Variants in SPTLC3 observed in about 807,000 individuals in gnomAD.
SPTLC3 encodes the protein serine palmitoyltransferase long chain base subunit 3, also known as serine palmitoyltransferase 3.
Under a neutral mutation model 59.3 loss-of-function variants are expected in SPTLC3, and 36 were observed. That is an observed-to-expected ratio of 0.61 (90% CI 0.47 to 0.80). The LOEUF (loss-of-function observed/expected upper bound fraction) is 0.80. Among genes scored for constraint, SPTLC3 ranks in the 30% least tolerant of loss-of-function variants. The pLI is 0.00. For missense variants in SPTLC3, 625 were observed against 685.1 expected, an observed-to-expected ratio of 0.91 and a Z score of 0.98; for synonymous variants, 257 against 240.8, an observed-to-expected ratio of 1.07 and a Z score of -0.62.
chr20:13,108,815 G>T (rs1990059022), intron 6 of SPTLC3, among the ~76,000 whole-genome samples: 1 of 152,104 alleles, frequency 6.6e-6, no homozygotes, highest in Admixed American at 6.6e-5. Flanking sequence ...ATTTAGCTTT[G>T]CTAGATGTCA....
chr20:13,116,473 T>C (rs554369370), intron 7 of SPTLC3, among the ~76,000 whole-genome samples: 1 of 152,278 alleles, frequency 6.6e-6, no homozygotes, highest in South Asian at 2.1e-4. Context: ...TTTTAATCCA[T>C]TGAGTCCCAG....
intron 4 of SPTLC3, among the ~76,000 whole-genome samples, chr20:13,085,885 A>G (rs1988990040): frequency 6.6e-6 from 1 of 152,182 alleles, no homozygotes; most frequent in Non-Finnish European, 1.5e-5. Context: ...GTTTATGTTT[A>G]TTACTTTATT....
At chr20:13,013,698 T>G (rs1985372294) in intron 1 of SPTLC3, among the ~76,000 whole-genome samples, 1 of 152,220 alleles carries the variant, frequency 6.6e-6, no homozygotes, top group Admixed American at 6.5e-5. Context: ...CCTCCATTTA[T>G]AAATAGCTCA....
chr20:13,013,609 C>A (rs184491011), intron 1 of SPTLC3, among the ~76,000 whole-genome samples: 1 of 152,124 alleles, frequency 6.6e-6, no homozygotes, highest in Admixed American at 6.6e-5. Context: ...TTAAGGAATC[C>A]GCAGTTTTTC....
rs117194977 is a variant in SPTLC3 at position 13,047,541 on chromosome 20, T to C, written c.118-1404T>C. Among the ~76,000 whole-genome samples, 799 of 152,248 alleles carry C rather than the reference T, an allele frequency of 5.2e-3. 2 individuals are homozygous for C. Among genetic ancestry groups the C allele is most frequent in the Non-Finnish European group, 9.0e-3 (609 of 67,982 alleles). Reference sequence around the variant, plus strand: ...AAGAAATGGGAAATCTGCAGATTGATTTGTATTTATTGAATGAAATAATAA... The same window carrying C: ...AAGAAATGGGAAATCTGCAGATTGACTTGTATTTATTGAATGAAATAATAA... On this transcript the variant is annotated intron_variant, in intron 1 of 11. Coordinates refer to ENST00000399002, the MANE Select transcript of SPTLC3 (RefSeq NM_018327.4).
chr20:13,094,223 T>C (rs568870519), intron 6 of SPTLC3, among the ~76,000 whole-genome samples: 9 of 152,212 alleles, frequency 5.9e-5, no homozygotes, highest in Non-Finnish European at 1.0e-4. Context: ...CCTGACTTAC[T>C]GTGTCACTTT....
At chr20:13,118,068 T>C (rs1334087735) in intron 8 of SPTLC3, among the ~76,000 whole-genome samples, 1 of 152,008 alleles carries the variant, frequency 6.6e-6, no homozygotes, top group East Asian at 1.9e-4. Context: ...AGACAAATAA[T>C]GGGGGGCCAT....
chr20:13,129,121 C>T (rs1019786888), intron 9 of SPTLC3, among the ~76,000 whole-genome samples: 11 of 152,204 alleles, frequency 7.2e-5, no homozygotes, highest in African/African-American at 2.6e-4. Context: ...CCTGCCTCGG[C>T]CTCCCAAAGC....
intron 1 of SPTLC3, among the ~76,000 whole-genome samples, chr20:13,027,669 A>G (rs549453387): frequency 0.056 from 8,323 of 148,600 alleles, 279 homozygotes; most frequent in South Asian, 0.083. Context: ...ACACACACAC[A>G]CACACACACA....
chr20:13,126,000 T>C (rs1439081393), intron 8 of SPTLC3, among the ~76,000 whole-genome samples: 3 of 152,188 alleles, frequency 2.0e-5, no homozygotes, highest in African/African-American at 7.2e-5. Context: ...TCAACTTCTC[T>C]CTTCTGCCAC....
chr20:13,147,061 T>G (rs1338270222), intron 9 of SPTLC3, among the ~76,000 whole-genome samples: 1 of 151,996 alleles, frequency 6.6e-6, no homozygotes, highest in East Asian at 1.9e-4. Context: ...TGGTGGGAGG[T>G]GGAGGCAGGG....
intron 9 of SPTLC3, among the ~76,000 whole-genome samples, chr20:13,142,725 C>T (rs1002720370): frequency 2.6e-5 from 4 of 152,152 alleles, no homozygotes; most frequent in African/African-American, 9.7e-5. Context: ...GCTCAGGCAC[C>T]TCCTCCAAGC....
rs1250379249 is a variant in SPTLC3, at chr20:13,093,485, G to T, written c.734G>T (p.Gly245Val). The change falls in exon 6 of 12, where the codon GGA becomes GTA. Residue 245 changes from glycine (G) to valine (V), a missense_variant and splice_region_variant. Physicochemically the swap from Gly to Val is moderately radical, Grantham distance 109 (BLOSUM62 -3). Transcript: ENST00000399002. ...SMNIPALVGK[G>V]CLILSDELNH... ...TTTGTGTGCTTGTTTTCTGCACAGG[G>T]ATGCCTCATTTTAAGTGATGAGTTA... The T allele has an allele frequency of 6.2e-7, 1 of 1,613,124 alleles. No individual in the cohort carries two copies. The highest frequency in any genetic ancestry group is 1.3e-5 in the African/African-American group (1 of 74,984).
At chr20:13,054,143 G>C (rs1461281769) in intron 2 of SPTLC3, among the ~76,000 whole-genome samples, 1 of 152,220 alleles carries the variant, frequency 6.6e-6, no homozygotes, top group Non-Finnish European at 1.5e-5. Context: ...AGATGGTCCA[G>C]AGGTTAGAGA....
At chr20:13,032,051 T>C (rs2122435780) in intron 1 of SPTLC3, among the ~76,000 whole-genome samples, 1 of 152,318 alleles carries the variant, frequency 6.6e-6, no homozygotes, top group South Asian at 2.1e-4. Flanking sequence ...TAAAAGCTTT[T>C]GAGCACCTGA....
chr20:13,078,257 C>T (rs1278837037), intron 4 of SPTLC3, among the ~76,000 whole-genome samples: 1 of 149,104 alleles, frequency 6.7e-6, no homozygotes, highest in Non-Finnish European at 1.5e-5. Flanking sequence ...GGCATTGAGA[C>T]TAACAGTACC....
At chr20:13,129,738 A>T (rs1252449352) in intron 9 of SPTLC3, among the ~76,000 whole-genome samples, 2 of 152,234 alleles carry the variant, frequency 1.3e-5, no homozygotes, top group African/African-American at 4.8e-5. Flanking sequence ...ATCTGATCAC[A>T]GTGGAAGATC....
At chr20:13,096,444 TAA>T (rs36093957) in intron 6 of SPTLC3, among the ~76,000 whole-genome samples, 1 of 144,972 alleles carries the variant, frequency 6.9e-6, no homozygotes. Context: ...ACTCCACAAT[TAA>T]AAAAAAAAAG....
intron 9 of SPTLC3, among the ~76,000 whole-genome samples, chr20:13,141,254 A>T (rs1189549588): frequency 1.3e-5 from 2 of 152,226 alleles, no homozygotes; most frequent in Non-Finnish European, 2.9e-5. Flanking sequence ...TGCAAGCTAC[A>T]CTATCCATTC....
Sources: gnomAD v4.1 joint callset for allele counts (sites outside exome capture counted in the v4.1 genomes callset) on GRCh38, gnomAD v4.1.1 for gene constraint, MANE v1.5 for transcripts, NCBI Gene and HGNC (gene_info 2026-07-23, HGNC 2026-07-21) for gene names.